Variants in BCAT1 observed in about 807,000 individuals in gnomAD.
The protein encoded by BCAT1 is branched chain amino acid transaminase 1, also known as branched-chain-amino-acid aminotransferase, cytosolic.
A neutral mutation model predicts 52.4 loss-of-function variants in BCAT1; 48 were observed. The observed-to-expected ratio is 0.92, with a 90% CI of 0.73 to 1.16. BCAT1 has a LOEUF of 1.16. Among genes scored for constraint, BCAT1 ranks in the 50% most tolerant of loss-of-function variants. The pLI is 0.00. For synonymous variants in BCAT1, 167 were observed against 161.3 expected (o/e 1.04, Z -0.27); for missense variants, 451 against 457.1 (o/e 0.99, Z 0.12).
At chr12:24,839,447 T>C (rs1044320714) in intron 7 of BCAT1, among the ~76,000 whole-genome samples, 2 of 152,190 alleles carry the variant, frequency 1.3e-5, no homozygotes, top group Non-Finnish European at 2.9e-5. Flanking sequence ...CTGGGTCTTA[T>C]TTTTCAGGGT....
chr12:24,866,620 C>T (rs761365142), intron 5 of BCAT1, among the ~76,000 whole-genome samples: 1 of 152,338 alleles, frequency 6.6e-6, no homozygotes, highest in East Asian at 1.9e-4. Context: ...GTAAATACAC[C>T]AATCGGCGCT....
chr12:24,917,981 C>A (rs1183582809), intron 1 of BCAT1, among the ~76,000 whole-genome samples: 1 of 152,166 alleles, frequency 6.6e-6, no homozygotes, highest in Non-Finnish European at 1.5e-5. Flanking sequence ...AATGATTCAG[C>A]CAACAAAGTT....
chr12:24,821,416 T>C (rs186708704), intron 10 of BCAT1, among the ~76,000 whole-genome samples: 39 of 152,304 alleles, frequency 2.6e-4, no homozygotes, highest in African/African-American at 9.1e-4. Context: ...TATTCACACA[T>C]GCTCCCCCTG....
chr12:24,896,168 T>C (rs1366051566), intron 2 of BCAT1, among the ~76,000 whole-genome samples: 2 of 152,210 alleles, frequency 1.3e-5, no homozygotes, highest in African/African-American at 2.4e-5. Context: ...TTACCACTAT[T>C]TAATTCAAGT....
intron 3 of BCAT1, among the ~76,000 whole-genome samples, chr12:24,891,152 T>G (rs1447798778): frequency 6.6e-6 from 1 of 152,116 alleles, no homozygotes; most frequent in Non-Finnish European, 1.5e-5. Flanking sequence ...AACTGACACA[T>G]ACAGATTTTG....
chr12:24,843,801 G>T (rs1190497156), intron 6 of BCAT1, among the ~76,000 whole-genome samples: 4 of 152,050 alleles, frequency 2.6e-5, no homozygotes, highest in Non-Finnish European at 4.4e-5. Flanking sequence ...TGAGTTAAAG[G>T]GTGGGCATAT....
chr12:24,836,392 T>C, intron 8 of BCAT1, 119 bp downstream of exon 8: 2 of 847,986 alleles, frequency 2.4e-6, no homozygotes, highest in Non-Finnish European at 3.7e-6. Flanking sequence ...CACGTTAGAA[T>C]TTAAAGATTA....
intron 1 of BCAT1, among the ~76,000 whole-genome samples, chr12:24,930,547 C>T (rs550388345): frequency 3.7e-4 from 57 of 152,264 alleles, no homozygotes; most frequent in Admixed American, 1.6e-3. Context: ...GTCAAGTGTT[C>T]GCAAGCTACA....
chr12:24,847,341 C>T (rs1243161548), intron 6 of BCAT1, among the ~76,000 whole-genome samples: 1 of 152,154 alleles, frequency 6.6e-6, no homozygotes, highest in African/African-American at 2.4e-5. Flanking sequence ...GGTACATTTG[C>T]TGAAATTAAT....
intron 3 of BCAT1, among the ~76,000 whole-genome samples, chr12:24,887,884 C>A (rs1942729374): frequency 6.6e-6 from 1 of 152,152 alleles, no homozygotes; most frequent in Non-Finnish European, 1.5e-5. Context: ...TTAAAAATTA[C>A]TTTCAGATAT....
intron 10 of BCAT1, among the ~76,000 whole-genome samples, chr12:24,819,678 G>T (rs1227781376): frequency 6.6e-6 from 1 of 152,134 alleles, no homozygotes; most frequent in Non-Finnish European, 1.5e-5. Context: ...TACATGTGCT[G>T]TGTTTGTCTT....
In BCAT1 at chr12:24,949,002, G is replaced by T. The variant is rs1334046664; in HGVS notation, c.-70C>A. On this transcript the variant is annotated 5_prime_UTR_variant, in exon 1 of 11. Transcript: ENST00000261192. ...ATCCCAAGGGTCGTAGCCCCTGGCC[G>T]TGTGGACCGGGTCTGCGGCTGCAGA... The T allele has an allele frequency of 3.3e-6, 5 of 1,524,042 alleles. No individual in the cohort carries two copies. The highest frequency in any genetic ancestry group is 4.5e-6 in the Non-Finnish European group (5 of 1,120,362). 94.4% of individuals were successfully genotyped at this position (1,524,042 alleles called of 1,614,324 possible). A position where few individuals can be genotyped will look rare whatever the true frequency, so the allele number is the denominator to read the frequency against.
At chr12:24,891,192 C>T (rs1339487483) in intron 3 of BCAT1, among the ~76,000 whole-genome samples, 1 of 152,138 alleles carries the variant, frequency 6.6e-6, no homozygotes, top group Non-Finnish European at 1.5e-5. Flanking sequence ...AGAAGGCTGC[C>T]TACTCTGTGA....
At chr12:24,902,028 C>G in intron 1 of BCAT1, 143 bp from the exon 2 acceptor site, 1 of 1,565,418 alleles carries the variant, frequency 6.4e-7, no homozygotes, top group Non-Finnish European at 8.6e-7. Context: ...GACAACCAAG[C>G]ACCCAGGCCC....
chr12:24,816,668 A>G lies in BCAT1; in HGVS notation c.*1340T>C. On this transcript the variant is annotated 3_prime_UTR_variant, in exon 11 of 11. Coordinates refer to ENST00000261192, the MANE Select transcript of BCAT1 (RefSeq NM_005504.7). ...TTGTCATTTCCATTTGGTTGGTATG[A>G]TATCATGACCTCTCTCTAGAGCAGT... 2.5e-6 allele frequency: 1 copy of G among 396,604 alleles called. No individual in the cohort carries two copies. Among genetic ancestry groups the G allele is most frequent in the African/African-American group, 2.1e-5 (1 of 48,538 alleles). 24.6% of individuals were successfully genotyped at this position (396,604 alleles called of 1,614,324 possible).
At chr12:24,828,215 T>C (rs1056783629) in intron 10 of BCAT1, among the ~76,000 whole-genome samples, 2 of 152,236 alleles carry the variant, frequency 1.3e-5, no homozygotes, top group African/African-American at 4.8e-5. Flanking sequence ...TCTCAGGCCC[T>C]CTTGGATATT....
At position 24,813,121 on chromosome 12, in the gene BCAT1, T is replaced by C. The variant is rs1004921627; in HGVS notation, c.*4887A>G. On this transcript the variant is annotated 3_prime_UTR_variant, in exon 11 of 11. Transcript: ENST00000261192. ...TGCCTTTATCATTTTGAAGCAAATA[T>C]GTTTATATATGTCTGACCCCAGGAA... 1 of 151,994 alleles carries C rather than the reference T, an allele frequency of 6.6e-6. No individual in the cohort carries two copies. Among genetic ancestry groups the C allele is most frequent in the African/African-American group, 2.4e-5 (1 of 41,434 alleles). 9.4% of individuals were successfully genotyped at this position (151,994 alleles called of 1,614,324 possible).
intron 1 of BCAT1, among the ~76,000 whole-genome samples, chr12:24,935,354 G>T: frequency 6.6e-6 from 1 of 152,182 alleles, no homozygotes; most frequent in African/African-American, 2.4e-5. Flanking sequence ...CCAGGAAAGA[G>T]AGCTCTACAT....
intron 5 of BCAT1, among the ~76,000 whole-genome samples, chr12:24,852,550 T>C (rs1487980951): frequency 6.6e-6 from 1 of 152,214 alleles, no homozygotes. Context: ...TGAAATAAAT[T>C]TCCCCTGGTT....
Sources: gnomAD v4.1 joint callset for allele counts (sites outside exome capture counted in the v4.1 genomes callset) on GRCh38, gnomAD v4.1.1 for gene constraint, MANE v1.5 for transcripts, NCBI Gene and HGNC (gene_info 2026-07-23, HGNC 2026-07-21) for gene names.